The following CFTR variants were observed in gnomAD, a reference collection of about 807,000 sequenced individuals.
The protein encoded by CFTR is CF transmembrane conductance regulator, also known as cystic fibrosis transmembrane conductance regulator.
CFTR carries 181 observed loss-of-function variants against 171.6 expected under a neutral mutation model. The ratio of observed to expected loss-of-function variants is 1.05; its 90% CI spans 0.93 to 1.19. CFTR has a LOEUF of 1.19. Among genes scored for constraint, CFTR ranks in the 50% most tolerant of loss-of-function variants. The pLI, the probability that CFTR is intolerant of heterozygous loss-of-function variation, is 0.00. For synonymous variants in CFTR, 583 were observed against 608.0 expected (o/e 0.96, Z 0.60); for missense variants, 1,968 against 1,734.7 (o/e 1.13, Z -2.39).
At chr7:117,658,840 C>A (rs531120911) in intron 24 of CFTR, among the ~76,000 whole-genome samples, 26 of 152,266 alleles carry the variant, frequency 1.7e-4, no homozygotes, top group African/African-American at 5.8e-4. Flanking sequence ...TGGCTCATTT[C>A]CCTCATTGAC....
intron 12 of CFTR, 57 bp from the exon 13 acceptor site, chr7:117,590,296 C>T (rs1049183775): frequency 7.0e-6 from 11 of 1,575,396 alleles, no homozygotes; most frequent in African/African-American, 6.7e-5. Context: ...AAATCATCTA[C>T]ACTAGATGAC....
At chr7:117,490,135 C>T (rs1798134103) in intron 1 of CFTR, among the ~76,000 whole-genome samples, 1 of 151,964 alleles carries the variant, frequency 6.6e-6, no homozygotes, top group Non-Finnish European at 1.5e-5. Flanking sequence ...AACTCTGTCA[C>T]TTATTAACAA....
At position 117,592,290 on chromosome 7, in the gene CFTR, T is replaced by C. The variant is rs769375972; in HGVS notation, c.2123T>C (p.Ile708Thr). The stretch of plus-strand genomic sequence containing the variant: ...TCTATTCTCAATCCAATCAACTCTA[T>C]ACGAAAATTTTCCATTGTGCAAAAG... Reference protein sequence around the residue: ...KNSILNPINSIRKFSIVQKTP... With the variant: ...KNSILNPINSTRKFSIVQKTP... Residue 708 changes from isoleucine (I) to threonine (T), a missense_variant, in exon 14 of 27, where the codon ATA becomes ACA. Transcript: ENST00000003084. 2.5e-6 allele frequency: 4 copies of C among 1,613,926 alleles called. No individual in the cohort carries two copies. The Admixed American group carries it at 6.7e-5, about 27-fold the overall frequency.
In CFTR at chr7:117,553,863, G is replaced by A. The variant is rs573070434; in HGVS notation, c.1392+5040G>A. Among the ~76,000 whole-genome samples the A allele has an allele frequency of 2.6e-5, 4 of 152,246 alleles. No homozygotes were observed. In the East Asian group the frequency reaches 7.7e-4, roughly 29 times the overall value. On this transcript the variant is annotated intron_variant, in intron 10 of 26. Coordinates refer to ENST00000003084, the MANE Select transcript of CFTR (RefSeq NM_000492.4). ...GACTTGCAGGAGGTGAGGGATTAGG[G>A]AATGCAGACTCTGGGAAGAGTCTTC...
In CFTR at chr7:117,603,789, T is replaced by C; in HGVS notation, c.2908+7T>C. ...CTCAACACGTTGAAAGCAGGTACTT[T>C]ACTAGGTCTAAGAAATGAAACTGCT... On this transcript the variant is annotated splice_region_variant and intron_variant, in intron 17 of 26. Transcript: ENST00000003084. 2 of 1,613,390 alleles carry C rather than the reference T, an allele frequency of 1.2e-6. No individual in the cohort carries two copies. Among genetic ancestry groups the C allele is most frequent in the South Asian group, 1.1e-5 (1 of 91,070 alleles).
intron 1 of CFTR, among the ~76,000 whole-genome samples, chr7:117,494,226 T>C (rs1798203993): frequency 6.6e-6 from 1 of 152,076 alleles, no homozygotes; most frequent in African/African-American, 2.4e-5. Flanking sequence ...CCCCAAACTA[T>C]ATCAGGTGGA....
At chr7:117,635,127 G>A (rs1312599750) in intron 22 of CFTR, among the ~76,000 whole-genome samples, 1 of 152,048 alleles carries the variant, frequency 6.6e-6, no homozygotes, top group African/African-American at 2.4e-5. Flanking sequence ...GTCTTTTGAT[G>A]CTTTGTTGCT....
rs577797967 is a variant in CFTR at position 117,616,072 on chromosome 7, A to G, written c.3468+1359A>G. Reference sequence around the variant, plus strand: ...AATTTGTATGATCAACTCCTGTCAGAACAAACATCATTATAAAAAATATCT... The same window carrying G: ...AATTTGTATGATCAACTCCTGTCAGGACAAACATCATTATAAAAAATATCT... On this transcript the variant is annotated intron_variant, in intron 21 of 26. Transcript: ENST00000003084. Among the ~76,000 whole-genome samples, 9 of 152,242 alleles carry G rather than the reference A, an allele frequency of 5.9e-5. No homozygotes were observed. In the South Asian group the frequency reaches 1.9e-3, roughly 32 times the overall value.
At chr7:117,513,441 A>G (rs1416673912) in intron 3 of CFTR, among the ~76,000 whole-genome samples, 2 of 151,358 alleles carry the variant, frequency 1.3e-5, no homozygotes, top group Admixed American at 6.6e-5. Context: ...AGATTTGAAA[A>G]AAAAAAAAAA....
chr7:117,643,596 C>G, intron 23 of CFTR, among the ~76,000 whole-genome samples: 1 of 152,024 alleles, frequency 6.6e-6, no homozygotes, highest in South Asian at 2.1e-4. Context: ...AAGCTTTATC[C>G]TGGTTGGAGT....
chr7:117,557,989 T>A (rs1392783112), intron 10 of CFTR, among the ~76,000 whole-genome samples: 1 of 152,160 alleles, frequency 6.6e-6, no homozygotes, highest in African/African-American at 2.4e-5. Flanking sequence ...ATTTATCATT[T>A]TGACCATTTT....
At chr7:117,565,018 C>T (rs1791577943) in intron 11 of CFTR, among the ~76,000 whole-genome samples, 1 of 152,190 alleles carries the variant, frequency 6.6e-6, no homozygotes, top group African/African-American at 2.4e-5. Flanking sequence ...TCATAAACAG[C>T]TCCATGTCCT....
Position 117,667,305 on chromosome 7 carries a change from TG to T in CFTR, c.*199del. 1 of 596,980 alleles carries T rather than the reference TG, an allele frequency of 1.7e-6. No individual in the cohort carries two copies. The highest frequency in any genetic ancestry group is 1.8e-5 in the South Asian group (1 of 54,064). The allele number at this position is 596,980 out of a possible 1,614,324, so 37.0% of individuals were successfully genotyped here. ...ATATGGGTCTTGATAAATGGCTTCC[TG>T]GCAATAGTCAAATTGTGTGAAAGGT... On this transcript the variant is annotated 3_prime_UTR_variant, in exon 27 of 27. Coordinates refer to ENST00000003084, the MANE Select transcript of CFTR (RefSeq NM_000492.4).
intron 1 of CFTR, among the ~76,000 whole-genome samples, chr7:117,502,776 T>C (rs543738792): frequency 2.8e-4 from 43 of 152,354 alleles, no homozygotes; most frequent in African/African-American, 8.4e-4. Context: ...AGGGTAAACC[T>C]AATTATCGCT....
At chr7:117,556,283 T>C (rs1799352600) in intron 10 of CFTR, among the ~76,000 whole-genome samples, 1 of 151,938 alleles carries the variant, frequency 6.6e-6, no homozygotes, top group Admixed American at 6.6e-5. Flanking sequence ...CAGGATGGTA[T>C]TGATCTCTTG....
At chr7:117,512,256 T>G (rs1326432741) in intron 3 of CFTR, among the ~76,000 whole-genome samples, 2 of 152,224 alleles carry the variant, frequency 1.3e-5, no homozygotes, top group East Asian at 3.8e-4. Context: ...CTATGACTTC[T>G]CACCATTAAC....
intron 26 of CFTR, among the ~76,000 whole-genome samples, chr7:117,666,252 CTATGGTT>C (rs1431880938): frequency 6.6e-6 from 1 of 152,174 alleles, no homozygotes; most frequent in African/African-American, 2.4e-5. Flanking sequence ...TACAAATTCC[CTATGGTT>C]TAGTCACAAG....
At chr7:117,521,858 A>G (rs779877487) in intron 3 of CFTR, among the ~76,000 whole-genome samples, 18 of 152,104 alleles carry the variant, frequency 1.2e-4, no homozygotes, top group Non-Finnish European at 1.9e-4. Context: ...ACTTTCCTTC[A>G]TGGTTTGAAT....
rs1462891586 is a variant in CFTR at position 117,611,627 on chromosome 7, A to G, written c.3186A>G (p.Leu1062=). ...ATCTTGTTACAAGCTTAAAAGGACT[A>G]TGGACACTTCGTGCCTTCGGACGGC... ...FTHLVTSLKG[L]WTLRAFGRQP... Residue 1062 remains leucine, a synonymous_variant, in exon 20 of 27, where the codon CTA becomes CTG. Transcript: ENST00000003084. 1.2e-6 allele frequency: 2 copies of G among 1,613,550 alleles called. No homozygotes were observed. Among genetic ancestry groups the G allele is most frequent in the Admixed American group, 1.7e-5 (1 of 59,898 alleles).
Sources: allele counts gnomAD v4.1 joint callset (sites outside exome capture counted in the v4.1 genomes callset), GRCh38; gene constraint gnomAD v4.1.1; transcripts MANE v1.5; gene names NCBI Gene and HGNC (gene_info 2026-07-23, HGNC 2026-07-21).